IL17C: variants seen among roughly 807,000 people sequenced by gnomAD.
IL17C encodes interleukin 17C, also known as interleukin-17C.
IL17C carries 13 observed loss-of-function variants against 11.0 expected under a neutral mutation model. The observed-to-expected ratio is 1.18, with a 90% confidence interval of 0.77 to 1.88. IL17C has a LOEUF of 1.88. IL17C is among the 40% of genes most tolerant of loss of function. The probability of loss-of-function intolerance (pLI) is 0.00; values close to 1 mark genes in which losing one functional copy is unlikely to be tolerated. For missense variants in IL17C, 357 were observed against 278.2 expected (o/e 1.28, Z -2.01); for synonymous variants, 150 against 125.8 (o/e 1.19, Z -1.29).
Position 88,640,311 on chromosome 16 carries a change from G to T in IL17C, c.*239G>T. ...AAAGCTGCAGAAAAGGTGTCACACG[G>T]CTGCCTGTACCTTGGCTCCCTGTCC... On this transcript the variant is annotated 3_prime_UTR_variant, in exon 3 of 3. Coordinates refer to ENST00000244241, the MANE Select transcript of IL17C (RefSeq NM_013278.4). The T allele has an allele frequency of 4.1e-6, 2 of 488,126 alleles. No homozygotes were observed. The highest frequency in any genetic ancestry group is 7.1e-6 in the Non-Finnish European group (2 of 280,296). 30.2% of individuals were successfully genotyped at this position (488,126 alleles called of 1,614,324 possible). A position where few individuals can be genotyped will look rare whatever the true frequency, so the allele number is the denominator to read the frequency against.
In IL17C at chr16:88,639,813, G is replaced by C; in HGVS notation, c.336-1G>C. ...GACTCACTGTGCACCCCGTCCCGCAGTGTGGACACGGATGAGGACCGCTAT... is the reference window on the plus strand; with the variant it reads ...GACTCACTGTGCACCCCGTCCCGCACTGTGGACACGGATGAGGACCGCTAT... On this transcript the variant is annotated splice_acceptor_variant, in intron 2 of 2. Transcript: ENST00000244241. LOFTEE classifies it high-confidence loss of function. The surrounding 1 kb of genome is among the most constrained non-coding windows in gnomAD (Gnocchi z 5.1). 6.4e-7 allele frequency: 1 copy of C among 1,553,450 alleles called. No individual in the cohort carries two copies. Among genetic ancestry groups the C allele is most frequent in the East Asian group, 2.4e-5 (1 of 41,986 alleles).
Position 88,638,826 on chromosome 16 carries a change from G to C in IL17C, c.7-155G>C, listed in dbSNP as rs900222424. 15 of 1,166,006 alleles carry C rather than the reference G, an allele frequency of 1.3e-5. No homozygotes were observed. The African/African-American group carries it at 2.0e-4, about 15-fold the overall frequency. The allele number at this position is 1,166,006 out of a possible 1,614,324, so 72.2% of individuals were successfully genotyped here. On this transcript the variant is annotated intron_variant, in intron 1 of 2. Coordinates refer to ENST00000244241, the MANE Select transcript of IL17C (RefSeq NM_013278.4). ...GGAGCGCTGGCATGCTGGGTGTCTT[G>C]GGCTGAAGGGCTAGCCTCTCTGGGC...
At position 88,640,366 on chromosome 16, in the gene IL17C, G is replaced by C; in HGVS notation, c.*294G>C. ...CCCGGCTTCCCTTACCCTATCACTG[G>C]CCTCAGGCCCCCGCAGGCTGCCTCT... On this transcript the variant is annotated 3_prime_UTR_variant, in exon 3 of 3. Coordinates refer to ENST00000244241, the MANE Select transcript of IL17C (RefSeq NM_013278.4). The C allele has an allele frequency of 5.2e-6, 2 of 386,330 alleles. No homozygotes were observed. Among genetic ancestry groups the C allele is most frequent in the Non-Finnish European group, 9.3e-6 (2 of 215,144 alleles). The allele number at this position is 386,330 out of a possible 1,614,324, so 23.9% of individuals were successfully genotyped here.
In IL17C at chr16:88,640,033, C is replaced by A; in HGVS notation, c.555C>A (p.Val185=). Residue 185 remains valine, a synonymous_variant, in exon 3 of 3, where the codon GTC becomes GTA. Coordinates refer to ENST00000244241, the MANE Select transcript of IL17C (RefSeq NM_013278.4). ...AFAFHTEFIH[V]PVGCTCVLPR... ...CCTTCCACACCGAGTTCATCCACGT[C>A]CCCGTCGGCTGCACCTGCGTGCTGC... 6.3e-7 allele frequency: 1 copy of A among 1,592,074 alleles called. No individual in the cohort carries two copies. Among genetic ancestry groups the A allele is most frequent in the Non-Finnish European group, 8.6e-7 (1 of 1,166,836 alleles).
Position 88,638,800 on chromosome 16 carries a change from C to T in IL17C, c.6+153C>T, listed in dbSNP as rs192558905. 1.0e-4 allele frequency: 130 copies of T among 1,294,774 alleles called. 2 individuals carry two copies. The South Asian group carries it at 1.0e-3, about 10-fold the overall frequency. 80.2% of individuals were successfully genotyped at this position (1,294,774 alleles called of 1,614,324 possible). ...GGTAGGGGAGGCAGCTGCAGATCCT[C>T]GGAGCGCTGGCATGCTGGGTGTCTT... On this transcript the variant is annotated intron_variant, in intron 1 of 2. Coordinates refer to ENST00000244241, the MANE Select transcript of IL17C (RefSeq NM_013278.4).
At position 88,640,051 on chromosome 16, in the gene IL17C, C is replaced by T. The variant is rs200368784; in HGVS notation, c.573C>T (p.Cys191=). The T allele has an allele frequency of 1.1e-4, 175 of 1,576,788 alleles. No individual in the cohort carries two copies. The highest frequency in any genetic ancestry group is 4.2e-4 in the Admixed American group (24 of 57,438). The change falls in exon 3 of 3, where the codon TGC becomes TGT. Residue 191 remains cysteine (C), a synonymous_variant. Transcript: ENST00000244241. ...TCCACGTCCCCGTCGGCTGCACCTGCGTGCTGCCCCGTTCAGTGTGACCGC... is the reference window on the plus strand; with the variant it reads ...TCCACGTCCCCGTCGGCTGCACCTGTGTGCTGCCCCGTTCAGTGTGACCGC... ...EFIHVPVGCT[C]VLPRSV is the part of the protein sequence containing the mutation.
chr16:88,639,893 ACGG>A lies in IL17C; in HGVS notation c.416_418del (p.Thr139_Gly140delinsSer). Reference sequence around the variant, plus strand: ...GTGCAGAGGCTGTATCGATGCACGGACGGGCCGCGAGACAGCTGCGCTCAACTC... The same window carrying A: ...GTGCAGAGGCTGTATCGATGCACGGAGCCGCGAGACAGCTGCGCTCAACTC... On this transcript the variant is annotated inframe_deletion, in exon 3 of 3. Transcript: ENST00000244241. The surrounding 1 kb of genome is among the most constrained non-coding windows in gnomAD (Gnocchi z 5.1). 1 of 1,608,788 alleles carries A rather than the reference ACGG, an allele frequency of 6.2e-7. No individual in the cohort carries two copies. The highest frequency in any genetic ancestry group is 2.2e-5 in the East Asian group (1 of 44,794).
chr16:88,638,944 G>A, intron 1 of IL17C, 37 bp from the exon 2 acceptor site: 4 of 1,519,362 alleles, frequency 2.6e-6, no homozygotes, highest in East Asian at 2.3e-5. Flanking sequence ...CCCCTGCCCT[G>A]GGCACCTCCT....
Position 88,639,834 on chromosome 16 carries a change from G to A in IL17C, c.356G>A (p.Arg119His), listed in dbSNP as rs753651002. 45 of 1,575,812 alleles carry A rather than the reference G, an allele frequency of 2.9e-5. No homozygotes were observed. The highest frequency in any genetic ancestry group is 1.1e-4 in the Admixed American group (6 of 54,674). The change falls in exon 3 of 3, where the codon CGC becomes CAC. Residue 119 changes from arginine to histidine, a missense_variant. Arg to His is a conservative substitution (Grantham distance 29). Transcript: ENST00000244241. The surrounding 1 kb of genome is among the most constrained non-coding windows in gnomAD (Gnocchi z 5.1). ...WRYRVDTDEDRYPQKLAFAEC... is the reference protein window; with the variant it reads ...WRYRVDTDEDHYPQKLAFAEC... ...CGCAGTGTGGACACGGATGAGGACC[G>A]CTATCCACAGAAGCTGGCCTTCGCC...
chr16:88,639,010 G>C lies in IL17C; in HGVS notation c.36G>C (p.Trp12Cys). 6 of 1,593,716 alleles carry C rather than the reference G, an allele frequency of 3.8e-6. No homozygotes were observed. The highest frequency in any genetic ancestry group is 5.1e-6 in the Non-Finnish European group (6 of 1,168,306). Reference sequence around the variant, plus strand: ...TCCCCGGCCTCCTGTTTCTGACCTGGCTGCACACATGCCTGGCCCACCATG... The same window carrying C: ...TCCCCGGCCTCCTGTTTCTGACCTGCCTGCACACATGCCTGGCCCACCATG... ...TLLPGLLFLTWLHTCLAHHDP... is the reference protein window; with the variant it reads ...TLLPGLLFLTCLHTCLAHHDP... The change falls in exon 2 of 3, where the codon TGG (tryptophan) becomes TGC (cysteine). Residue 12 changes from tryptophan to cysteine, a missense_variant. By Grantham distance (215) the Trp-to-Cys change is radical. Coordinates refer to ENST00000244241, the MANE Select transcript of IL17C (RefSeq NM_013278.4). The surrounding 1 kb of genome is among the most constrained non-coding windows in gnomAD (Gnocchi z 5.1).
chr16:88,639,264 T>A lies in IL17C; in HGVS notation c.290T>A (p.Leu97Ter), dbSNP rs376049463. 6.2e-7 allele frequency: 1 copy of A among 1,611,410 alleles called. No homozygotes were observed. The highest frequency in any genetic ancestry group is 8.5e-7 in the Non-Finnish European group (1 of 1,179,410). Residue 97 changes from leucine to a stop codon, truncating the protein, a stop_gained, in exon 2 of 3, where the codon TTG (leucine) becomes TAG (stop). Transcript: ENST00000244241. LOFTEE classifies it low-confidence loss of function (END_TRUNC). This position sits in a 1 kb window ranked among gnomAD's most constrained non-coding sequence, Gnocchi z 5.1. ...QCPVLRPEEV[L>*]EADTHQRSIS... ...CCGGTGCTGCGGCCGGAGGAGGTGT[T>A]GGAGGCAGACACCCACCAGCGCTCC...
intron 1 of IL17C, 94 bp from the exon 2 acceptor site, chr16:88,638,887 C>T (rs1054647942): frequency 2.2e-5 from 28 of 1,283,226 alleles, no homozygotes; most frequent in Non-Finnish European, 2.7e-5. Flanking sequence ...GGGCTGTACT[C>T]CATCTTTCCG....
In IL17C at chr16:88,640,047, C is replaced by T. The variant is rs751848469; in HGVS notation, c.569C>T (p.Thr190Ile). Reference protein sequence around the residue: ...TEFIHVPVGCTCVLPRSV With the variant: ...TEFIHVPVGCICVLPRSV ...TTCATCCACGTCCCCGTCGGCTGCA[C>T]CTGCGTGCTGCCCCGTTCAGTGTGA... Residue 190 changes from threonine (T) to isoleucine (I), a missense_variant, in exon 3 of 3, where the codon ACC (threonine) becomes ATC (isoleucine). Coordinates refer to ENST00000244241, the MANE Select transcript of IL17C (RefSeq NM_013278.4). The T allele has an allele frequency of 1.3e-6, 2 of 1,583,828 alleles. No homozygotes were observed. Among genetic ancestry groups the T allele is most frequent in the South Asian group, 2.3e-5 (2 of 86,508 alleles).
chr16:88,639,842 C>A lies in IL17C; in HGVS notation c.364C>A (p.Gln122Lys). Residue 122 changes from glutamine (Q) to lysine (K), a missense_variant, in exon 3 of 3, where the codon CAG becomes AAG. Gln to Lys is a moderately conservative substitution (Grantham distance 53). Transcript: ENST00000244241. This position sits in a 1 kb window ranked among gnomAD's most constrained non-coding sequence, Gnocchi z 5.1. Reference sequence around the variant, plus strand: ...GGACACGGATGAGGACCGCTATCCACAGAAGCTGGCCTTCGCCGAGTGCCT... The same window carrying A: ...GGACACGGATGAGGACCGCTATCCAAAGAAGCTGGCCTTCGCCGAGTGCCT... ...RVDTDEDRYP[Q>K]KLAFAECLCR... The A allele has an allele frequency of 6.3e-7, 1 of 1,583,662 alleles. No individual in the cohort carries two copies. Among genetic ancestry groups the A allele is most frequent in the East Asian group, 2.3e-5 (1 of 43,136 alleles).
intron 1 of IL17C, 47 bp from the exon 2 acceptor site, chr16:88,638,934 C>A: frequency 1.3e-6 from 2 of 1,482,582 alleles, no homozygotes; most frequent in African/African-American, 1.4e-5. Flanking sequence ...AGTGAGGTGC[C>A]CCCTGCCCTG....
rs1907021989 is a variant in IL17C, at chr16:88,640,212, G to A, written c.*140G>A. On this transcript the variant is annotated 3_prime_UTR_variant, in exon 3 of 3. Coordinates refer to ENST00000244241, the MANE Select transcript of IL17C (RefSeq NM_013278.4). ...GGGCATTCCCCGTGTCTGGAGGACAGCCCCCCACTGTTCTCCTCATCTCCA... is the reference window on the plus strand; with the variant it reads ...GGGCATTCCCCGTGTCTGGAGGACAACCCCCCACTGTTCTCCTCATCTCCA... The A allele has an allele frequency of 1.1e-5, 10 of 931,776 alleles. No homozygotes were observed. The highest frequency in any genetic ancestry group is 7.1e-5 in the South Asian group (4 of 56,310). 57.7% of individuals were successfully genotyped at this position (931,776 alleles called of 1,614,324 possible). A position where few individuals can be genotyped will look rare whatever the true frequency, so the allele number is the denominator to read the frequency against.
rs962275075 is a variant in IL17C at position 88,639,725 on chromosome 16, C to T, written c.336-89C>T. ...AGCCCTCGCTGCCTCAGGTCCTATCCTGAGTACACGGAGAGGGGCCCTGAG... is the reference window on the plus strand; with the variant it reads ...AGCCCTCGCTGCCTCAGGTCCTATCTTGAGTACACGGAGAGGGGCCCTGAG... On this transcript the variant is annotated intron_variant, in intron 2 of 2. Transcript: ENST00000244241. This position sits in a 1 kb window ranked among gnomAD's most constrained non-coding sequence, Gnocchi z 5.1. The T allele has an allele frequency of 7.1e-7, 1 of 1,417,886 alleles. No homozygotes were observed. Among genetic ancestry groups the T allele is most frequent in the African/African-American group, 1.4e-5 (1 of 69,810 alleles). The allele number at this position is 1,417,886 out of a possible 1,614,324, so 87.8% of individuals were successfully genotyped here. A position where few individuals can be genotyped will look rare whatever the true frequency, so the allele number is the denominator to read the frequency against.
rs772426547 is a variant in IL17C, at chr16:88,638,665, C to A, written c.6+18C>A. Reference sequence around the variant, plus strand: ...CCATGACGGTGAGCCTCTCCACATGCCGCTCGGATGGATGCTGCTTGGATG... The same window carrying A: ...CCATGACGGTGAGCCTCTCCACATGACGCTCGGATGGATGCTGCTTGGATG... On this transcript the variant is annotated intron_variant, in intron 1 of 2. Coordinates refer to ENST00000244241, the MANE Select transcript of IL17C (RefSeq NM_013278.4). 9.3e-6 allele frequency: 15 copies of A among 1,612,892 alleles called. No homozygotes were observed. The highest frequency in any genetic ancestry group is 4.4e-5 in the South Asian group (4 of 91,088).
intron 1 of IL17C, 145 bp downstream of exon 1, chr16:88,638,792 C>T: frequency 1.5e-6 from 2 of 1,343,768 alleles, no homozygotes; most frequent in Non-Finnish European, 2.1e-6. Flanking sequence ...GAGGCAGCTG[C>T]AGATCCTCGG....
Sources: gnomAD v4.1 joint callset for allele counts on GRCh38, gnomAD v4.1.1 for gene constraint, Gnocchi (gnomAD v3.1) non-coding constraint, MANE v1.5 for transcripts, NCBI Gene and HGNC (gene_info 2026-07-23, HGNC 2026-07-21) for gene names.